Variants in BRF1 observed in about 807,000 individuals in gnomAD.
BRF1 encodes the protein BRF1 general transcription factor IIIB subunit.
In BRF1, 59 loss-of-function variants were observed where a neutral mutation model predicts 81.7. That is an observed-to-expected ratio of 0.72 (90% CI 0.59 to 0.90). BRF1 has a LOEUF of 0.90. BRF1 is among the 40% of genes least tolerant of loss of function. The pLI, the probability that BRF1 is intolerant of heterozygous loss-of-function variation, is 0.00. For missense variants in BRF1, 1,050 were observed against 936.3 expected (o/e 1.12, Z -1.58); for synonymous variants, 491 against 395.6 (o/e 1.24, Z -2.86).
Position 105,300,435 on chromosome 14 carries a change from G to C in BRF1, c.184+11C>G. 1 of 1,516,256 alleles carries C rather than the reference G, an allele frequency of 6.6e-7. No homozygotes were observed. Among genetic ancestry groups the C allele is most frequent in the Non-Finnish European group, 8.8e-7 (1 of 1,137,982 alleles). 93.9% of individuals were successfully genotyped at this position (1,516,256 alleles called of 1,614,324 possible). On this transcript the variant is annotated intron_variant, in intron 1 of 17. Transcript: ENST00000547530. Reference sequence around the variant, plus strand: ...CGAGAAATCCGCGCAGCGCCAGCCCGCGGGACTCACCGTCCAGGGACACGA... The same window carrying C: ...CGAGAAATCCGCGCAGCGCCAGCCCCCGGGACTCACCGTCCAGGGACACGA...
intron 10 of BRF1, among the ~76,000 whole-genome samples, chr14:105,223,380 C>T (rs1424920169): frequency 6.6e-6 from 1 of 152,216 alleles, no homozygotes; most frequent in Non-Finnish European, 1.5e-5. Context: ...CCTCAGCGTG[C>T]TGAAGGACTA....
At chr14:105,248,341 G>C (rs1595376063) in intron 5 of BRF1, 1 of 985,494 alleles carries the variant, frequency 1.0e-6, no homozygotes, top group East Asian at 1.1e-4. Flanking sequence ...AAGAACGGGC[G>C]CAAGCACCTG....
Position 105,221,783 on chromosome 14 carries a change from C to T in BRF1, c.1180G>A (p.Glu394Lys). Reference protein sequence around the residue: ...ELLGGAPGSSEAAGSPEWGGR... With the variant: ...ELLGGAPGSSKAAGSPEWGGR... Reference sequence around the variant, plus strand: ...CCCCACTCGGGGCTTCCTGCTGCTTCCGAGCTGCCGGGGGCACCACCAAGG... The same window carrying T: ...CCCCACTCGGGGCTTCCTGCTGCTTTCGAGCTGCCGGGGGCACCACCAAGG... Residue 394 changes from glutamate (E) to lysine (K), a missense_variant, in exon 11 of 18, where the codon GAA (glutamate) becomes AAA (lysine). By Grantham distance (56) the Glu-to-Lys change is moderately conservative (BLOSUM62 1). Coordinates refer to ENST00000547530, the MANE Select transcript of BRF1 (RefSeq NM_001519.4). 1 of 1,611,892 alleles carries T rather than the reference C, an allele frequency of 6.2e-7. No homozygotes were observed. Among genetic ancestry groups the T allele is most frequent in the Non-Finnish European group, 8.5e-7 (1 of 1,179,762 alleles).
rs1424019348 is a variant in BRF1, at chr14:105,252,554, G to A, written c.497C>T (p.Thr166Met). ...GAGCTCTCTTGCCAAGAGAAGAAAC[G>A]TCTTTCCAAGCACGTACACATTCAC... is the stretch of plus-strand genomic sequence containing the variant. ...LQVNVYVLGKTFLLLARELCI... is the reference protein window; with the variant it reads ...LQVNVYVLGKMFLLLARELCI... The change falls in exon 5 of 18, where the codon ACG (threonine) becomes ATG (methionine). Residue 166 changes from threonine to methionine, a missense_variant. Thr to Met is a moderately conservative substitution (Grantham distance 81). This residue lies in a region of BRF1 where 1,043 missense variants were observed against 915.4 expected (regional missense o/e 1.14). Transcript: ENST00000547530. The A allele has an allele frequency of 7.4e-6, 12 of 1,613,730 alleles. No homozygotes were observed. The highest frequency in any genetic ancestry group is 1.3e-5 in the African/African-American group (1 of 74,928).
chr14:105,307,557 T>G (rs1451333495), intron 1 of BRF1, among the ~76,000 whole-genome samples: 1 of 152,184 alleles, frequency 6.6e-6, no homozygotes, highest in Non-Finnish European at 1.5e-5. Flanking sequence ...TCTGTGTCTG[T>G]CATCTTATCA....
At chr14:105,228,997 C>A in intron 6 of BRF1, 84 bp from the exon 7 acceptor site, 2 of 1,265,490 alleles carry the variant, frequency 1.6e-6, no homozygotes, top group East Asian at 2.3e-5. Context: ...CACTGCGGAT[C>A]CCGGTCACGG....
In BRF1 at chr14:105,210,431, C is replaced by T. The variant is rs1469809741; in HGVS notation, c.*120G>A. 1.5e-5 allele frequency: 16 copies of T among 1,088,098 alleles called. 1 individual carries two copies. In the South Asian group the frequency reaches 2.1e-4, roughly 14 times the overall value. 67.4% of individuals were successfully genotyped at this position (1,088,098 alleles called of 1,614,324 possible). The stretch of plus-strand genomic sequence containing the variant: ...TGGGACGAGGGCTGTGGGACAGGTG[C>T]CACCTGTCACCAGGAGTCTCGGCGC... On this transcript the variant is annotated 3_prime_UTR_variant, in exon 18 of 18. Transcript: ENST00000547530. The surrounding 1 kb of genome is among the most constrained non-coding windows in gnomAD (Gnocchi z 4.7).
At chr14:105,248,705 G>A (rs1281364268) in intron 5 of BRF1, 27 of 982,392 alleles carry the variant, frequency 2.7e-5, no homozygotes, top group African/African-American at 5.3e-5. Flanking sequence ...CAGCGCCGCC[G>A]CCGCCCATGC....
At position 105,210,501 on chromosome 14, in the gene BRF1, G is replaced by A. The variant is rs1889934686; in HGVS notation, c.*50C>T. 1 of 1,602,080 alleles carries A rather than the reference G, an allele frequency of 6.2e-7. No homozygotes were observed. The highest frequency in any genetic ancestry group is 8.5e-7 in the Non-Finnish European group (1 of 1,177,398). ...TCCTGGAAGCCCGTCTGATGCTGAGGAGACCCGCGAGGCCCCCTGCCAGGA... is the reference window on the plus strand; with the variant it reads ...TCCTGGAAGCCCGTCTGATGCTGAGAAGACCCGCGAGGCCCCCTGCCAGGA... On this transcript the variant is annotated 3_prime_UTR_variant, in exon 18 of 18. Transcript: ENST00000547530. The surrounding 1 kb of genome is among the most constrained non-coding windows in gnomAD (Gnocchi z 4.7).
intron 1 of BRF1, chr14:105,314,482 C>CG (rs1301061913): frequency 6.7e-6 from 1 of 148,308 alleles, no homozygotes; most frequent in Admixed American, 6.7e-5. Flanking sequence ...GCGCCCCGGG[C>CG]GGGGTCTGTG....
intron 5 of BRF1, among the ~76,000 whole-genome samples, chr14:105,243,455 A>T (rs1364450450): frequency 3.1e-5 from 4 of 129,206 alleles, no homozygotes; most frequent in African/African-American, 8.6e-5. Flanking sequence ...TCTGTCTCTT[A>T]AAAAAAAAAA....
rs180738523 is a variant in BRF1 at position 105,220,723 on chromosome 14, C to T, written c.1316-593G>A. Among the ~76,000 whole-genome samples the T allele has an allele frequency of 7.1e-3, 1,086 of 152,352 alleles. 11 individuals carry two copies. The highest frequency in any genetic ancestry group is 0.023 in the African/African-American group (958 of 41,582). On this transcript the variant is annotated intron_variant, in intron 11 of 17. Transcript: ENST00000547530. ...ACAGCCTCTCCTTGCCACAGCCCCA[C>T]GCCATAGCTGCCTGCCCCGTGCTGC...
At position 105,269,880 on chromosome 14, in the gene BRF1, A is replaced by G. The variant is rs2056587195; in HGVS notation, c.439+2841T>C. Among the ~76,000 whole-genome samples, 1 of 152,164 alleles carries G rather than the reference A, an allele frequency of 6.6e-6. No individual in the cohort carries two copies. Among genetic ancestry groups the G allele is most frequent in the Non-Finnish European group, 1.5e-5 (1 of 68,018 alleles). ...CCACAGCAGTCCCCACACAGCTCCT[A>G]CAAACACAAGGGAGGCAGGGCCATG... On this transcript the variant is annotated intron_variant, in intron 3 of 17. Transcript: ENST00000547530. The surrounding 1 kb of genome is among the most constrained non-coding windows in gnomAD (Gnocchi z 5.0).
Position 105,226,171 on chromosome 14 carries a change from T to C in BRF1, c.956-10A>G. On this transcript the variant is annotated splice_polypyrimidine_tract_variant and intron_variant, in intron 9 of 17. Coordinates refer to ENST00000547530, the MANE Select transcript of BRF1 (RefSeq NM_001519.4). ...TAACTGGATATTTCACCTGAAGTCA[T>C]AAGTTAAAAGCAAAAAGTCAGCATA... The C allele has an allele frequency of 6.2e-7, 1 of 1,613,950 alleles. No individual in the cohort carries two copies. Among genetic ancestry groups the C allele is most frequent in the African/African-American group, 1.3e-5 (1 of 75,054 alleles).
chr14:105,227,865 C>G (rs2054106690), intron 7 of BRF1: 1 of 152,248 alleles, frequency 6.6e-6, no homozygotes, highest in South Asian at 2.1e-4. Context: ...CCACAGGACA[C>G]AATCTCAGCT....
intron 3 of BRF1, among the ~76,000 whole-genome samples, chr14:105,258,679 A>G (rs1258957358): frequency 8.9e-5 from 13 of 146,800 alleles, no homozygotes; most frequent in East Asian, 6.2e-4. Context: ...GGCACCTGTA[A>G]TCCCAGCTAC....
rs778654559 is a variant in BRF1 at position 105,221,715 on chromosome 14, G to A, written c.1248C>T (p.Pro416=). The change falls in exon 11 of 18, where the codon CCC becomes CCT. Residue 416 remains proline (P), a synonymous_variant. Transcript: ENST00000547530. ...PALGSLLDPL[P]TAASLGISDS... is the part of the protein sequence containing the mutation. ...CTGAGATGCCCAGGCTGGCTGCAGTGGGGAGGGGGTCCAGCAGGGACCCCA... is the reference window on the plus strand; with the variant it reads ...CTGAGATGCCCAGGCTGGCTGCAGTAGGGAGGGGGTCCAGCAGGGACCCCA... The A allele has an allele frequency of 9.9e-6, 16 of 1,611,438 alleles. No individual in the cohort carries two copies. Among genetic ancestry groups the A allele is most frequent in the Admixed American group, 3.3e-5 (2 of 59,832 alleles).
intron 3 of BRF1, among the ~76,000 whole-genome samples, chr14:105,257,427 C>G (rs2055934405): frequency 6.6e-6 from 1 of 152,218 alleles, no homozygotes; most frequent in African/African-American, 2.4e-5. Context: ...CATCCACGCC[C>G]TGGGCTGGAG....
intron 3 of BRF1, among the ~76,000 whole-genome samples, chr14:105,264,873 T>C (rs142285212): frequency 2.9e-4 from 44 of 151,092 alleles, no homozygotes; most frequent in Admixed American, 5.3e-4. Context: ...AGTAGATGGG[T>C]TCAACACCTG....
Sources: allele counts gnomAD v4.1 joint callset (sites outside exome capture counted in the v4.1 genomes callset), GRCh38; gene constraint gnomAD v4.1.1; regional missense constraint gnomAD v4.1.1; non-coding constraint Gnocchi (gnomAD v3.1); transcripts MANE v1.5; gene names NCBI Gene and HGNC (gene_info 2026-07-23, HGNC 2026-07-21).